The following ZFHX3 variants were observed in gnomAD, a reference collection of about 807,000 sequenced individuals.
ZFHX3 encodes zinc finger homeobox 3, also known as zinc finger homeobox protein 3.
ZFHX3 carries 42 observed loss-of-function variants against 279.1 expected under a neutral mutation model. The observed-to-expected ratio is 0.15, with a 90% CI of 0.12 to 0.19. ZFHX3 has a LOEUF of 0.19. Among genes scored for constraint, ZFHX3 ranks in the 10% least tolerant of loss-of-function variants. ZFHX3 has a pLI of 1.00. For missense variants in ZFHX3, 4,981 were observed against 4,754.0 expected (o/e 1.05, Z -1.40); for synonymous variants, 2,293 against 1,957.8 (o/e 1.17, Z -4.52).
intron 1 of ZFHX3, among the ~76,000 whole-genome samples, chr16:73,758,293 C>A (rs1411475547): frequency 3.9e-5 from 6 of 152,136 alleles, no homozygotes; most frequent in Non-Finnish European, 5.9e-5. Flanking sequence ...CTAAGTGAGG[C>A]ATTGTGCTTA....
At chr16:73,757,756 C>T (rs900551473) in intron 1 of ZFHX3, among the ~76,000 whole-genome samples, 4 of 152,126 alleles carry the variant, frequency 2.6e-5, no homozygotes, top group East Asian at 1.9e-4. Context: ...ATTTCACCAG[C>T]GTGAAGTGAT....
At chr16:73,736,712 C>T (rs973258142) in intron 1 of ZFHX3, among the ~76,000 whole-genome samples, 2 of 152,302 alleles carry the variant, frequency 1.3e-5, no homozygotes, top group South Asian at 4.1e-4. Flanking sequence ...CATTTTTCTC[C>T]ATTCATTCAC....
chr16:73,642,841 C>T (rs575148233), intron 2 of ZFHX3, among the ~76,000 whole-genome samples: 21 of 152,298 alleles, frequency 1.4e-4, no homozygotes, highest in Non-Finnish European at 2.5e-4. Flanking sequence ...ATTCAAACTG[C>T]TCCATCCATC....
intron 2 of ZFHX3, among the ~76,000 whole-genome samples, chr16:73,670,778 A>G (rs1050321716): frequency 2.6e-5 from 4 of 152,238 alleles, no homozygotes; most frequent in African/African-American, 7.2e-5. Flanking sequence ...GATTATGGGA[A>G]TAATGGTAAA....
chr16:72,882,172 C>CTTTTTT (rs11298791), intron 4 of ZFHX3, among the ~76,000 whole-genome samples: 1 of 103,792 alleles, frequency 9.6e-6, no homozygotes, highest in Non-Finnish European at 1.9e-5. Context: ...CCCCTTTTTC[C>CTTTTTT]TTTTTTTTTT....
intron 2 of ZFHX3, among the ~76,000 whole-genome samples, chr16:73,460,464 A>G (rs1453380554): frequency 2.0e-5 from 3 of 152,226 alleles, no homozygotes; most frequent in Non-Finnish European, 4.4e-5. Flanking sequence ...ACAAATTTCC[A>G]TAAATGATCT....
At chr16:73,213,847 G>A (rs1334457615) in intron 5 of ZFHX3, among the ~76,000 whole-genome samples, 1 of 152,118 alleles carries the variant, frequency 6.6e-6, no homozygotes, top group Non-Finnish European at 1.5e-5. Flanking sequence ...CTGAACATCA[G>A]CTGTCCTCTC....
At chr16:73,747,917 T>A (rs1439101427) in intron 1 of ZFHX3, among the ~76,000 whole-genome samples, 1 of 152,198 alleles carries the variant, frequency 6.6e-6, no homozygotes, top group Non-Finnish European at 1.5e-5. Flanking sequence ...TAATCTGGAA[T>A]CAAAGATCTA....
intron 1 of ZFHX3, among the ~76,000 whole-genome samples, chr16:73,792,209 G>A (rs1379680593): frequency 6.6e-6 from 1 of 152,190 alleles, no homozygotes; most frequent in Non-Finnish European, 1.5e-5. Flanking sequence ...ACAGTATAAA[G>A]ATCTATTTTA....
chr16:73,380,586 A>T (rs1055269550), intron 3 of ZFHX3, among the ~76,000 whole-genome samples: 1 of 152,260 alleles, frequency 6.6e-6, no homozygotes, highest in African/African-American at 2.4e-5. Flanking sequence ...AGATGAATAC[A>T]CAAAAATCAA....
intron 3 of ZFHX3, among the ~76,000 whole-genome samples, chr16:72,916,512 G>T (rs946596601): frequency 1.3e-5 from 2 of 152,194 alleles, no homozygotes; most frequent in African/African-American, 4.8e-5. Context: ...ACCCAACAAA[G>T]TTAGTCAAAA....
chr16:73,407,125 T>G (rs1168391624), intron 3 of ZFHX3, among the ~76,000 whole-genome samples: 1 of 152,168 alleles, frequency 6.6e-6, no homozygotes, highest in Non-Finnish European at 1.5e-5. Flanking sequence ...AGATACTCAG[T>G]GGGTGGAGGC....
At chr16:73,099,601 C>T (rs142134747) in intron 7 of ZFHX3, among the ~76,000 whole-genome samples, 197 of 151,420 alleles carry the variant, frequency 1.3e-3, no homozygotes, top group African/African-American at 4.6e-3. Flanking sequence ...ATCCCAGCTA[C>T]TCAGGAGGCT....
chr16:73,761,678 T>C (rs972705619), intron 1 of ZFHX3, among the ~76,000 whole-genome samples: 1 of 152,000 alleles, frequency 6.6e-6, no homozygotes, highest in African/African-American at 2.4e-5. Context: ...GAAATAAGAC[T>C]GCACATCTGC....
chr16:73,105,065 C>T (rs1966278272), intron 7 of ZFHX3, among the ~76,000 whole-genome samples: 3 of 152,002 alleles, frequency 2.0e-5, no homozygotes, highest in Admixed American at 1.3e-4. Flanking sequence ...TGGCGATGAG[C>T]TCTTGCACAA....
chr16:73,806,974 G>A (rs1365952252), intron 1 of ZFHX3, among the ~76,000 whole-genome samples: 4 of 152,194 alleles, frequency 2.6e-5, no homozygotes, highest in Admixed American at 6.5e-5. Context: ...ATGAGGTGAG[G>A]AGGATGGAGG....
chr16:73,648,551 A>G (rs1459270836), intron 2 of ZFHX3, among the ~76,000 whole-genome samples: 2 of 151,984 alleles, frequency 1.3e-5, no homozygotes, highest in African/African-American at 4.8e-5. Flanking sequence ...AACCATGCGC[A>G]GCTAATTTTT....
At chr16:72,873,488 C>A (rs555944826) in intron 4 of ZFHX3, among the ~76,000 whole-genome samples, 4 of 152,160 alleles carry the variant, frequency 2.6e-5, no homozygotes, top group Non-Finnish European at 5.9e-5. Context: ...TTGATGAATC[C>A]GTACCACCTC....
intron 5 of ZFHX3, among the ~76,000 whole-genome samples, chr16:73,186,542 G>A (rs552504525): frequency 6.7e-6 from 1 of 149,012 alleles, no homozygotes; most frequent in South Asian, 2.1e-4. Context: ...CAATTCCCTA[G>A]TTTCCAGGAA....
Sources: gnomAD v4.1 joint callset for allele counts (sites outside exome capture counted in the v4.1 genomes callset) on GRCh38, gnomAD v4.1.1 for gene constraint, MANE v1.5 for transcripts, NCBI Gene and HGNC (gene_info 2026-07-23, HGNC 2026-07-21) for gene names.